PLAA: variants seen among roughly 807,000 people sequenced by gnomAD.
PLAA encodes the protein phospholipase A-2-activating protein.
A neutral mutation model predicts 84.1 loss-of-function variants in PLAA; 48 were observed. That is an observed-to-expected ratio of 0.57 (90% CI 0.45 to 0.73). The LOEUF is 0.73. Among genes scored for constraint, PLAA ranks in the 30% least tolerant of loss-of-function variants. The probability of loss-of-function intolerance (pLI) is 0.00; values close to 1 mark genes in which losing one functional copy is unlikely to be tolerated. For missense variants in PLAA, 903 were observed against 954.7 expected, an observed-to-expected ratio of 0.95 and a Z score of 0.71; for synonymous variants, 392 against 336.6, an observed-to-expected ratio of 1.16 and a Z score of -1.80.
chr9:26,905,330 A>G lies in PLAA; in HGVS notation c.*181T>C, dbSNP rs1277578506. The G allele has an allele frequency of 9.0e-6, 5 of 555,226 alleles. No homozygotes were observed. The highest frequency in any genetic ancestry group is 1.6e-5 in the Non-Finnish European group (5 of 316,786). The allele number at this position is 555,226 out of a possible 1,614,324, so 34.4% of individuals were successfully genotyped here. ...GAAAATCTACCCAAATTACACAGGA[A>G]AATCTCACAGTTCAGCAGTGCAAAA... On this transcript the variant is annotated 3_prime_UTR_variant, in exon 14 of 14. Coordinates refer to ENST00000397292, the MANE Select transcript of PLAA (RefSeq NM_001031689.3).
intron 11 of PLAA, among the ~76,000 whole-genome samples, chr9:26,912,987 C>T (rs1363472297): frequency 3.3e-5 from 5 of 152,152 alleles, no homozygotes; most frequent in Admixed American, 3.3e-4. Flanking sequence ...ACTCAGGAGG[C>T]TGAGGTGGGA....
intron 2 of PLAA, among the ~76,000 whole-genome samples, chr9:26,931,810 G>A (rs1825194347): frequency 6.6e-6 from 1 of 152,164 alleles, no homozygotes; most frequent in Non-Finnish European, 1.5e-5. Context: ...GGAAGGCCGA[G>A]GCAGGCAGAT....
At chr9:26,925,098 C>T (rs750056881) in intron 6 of PLAA, among the ~76,000 whole-genome samples, 74 of 152,184 alleles carry the variant, frequency 4.9e-4, no homozygotes, top group Non-Finnish European at 2.2e-4. Context: ...TGGATTATCT[C>T]ATTTACTTAT....
chr9:26,936,404 C>T (rs571217512), intron 1 of PLAA, among the ~76,000 whole-genome samples: 10 of 152,278 alleles, frequency 6.6e-5, no homozygotes, highest in South Asian at 2.1e-4. Flanking sequence ...TCTGGGAAGT[C>T]GGCAGAGTCG....
intron 1 of PLAA, among the ~76,000 whole-genome samples, chr9:26,937,919 G>C (rs1323358248): frequency 1.3e-5 from 2 of 151,756 alleles, no homozygotes; most frequent in East Asian, 3.9e-4. Context: ...AACAACATGA[G>C]GTAGGCCAGC....
At chr9:26,946,829 G>A (rs1028230768) in intron 1 of PLAA, 68 bp downstream of exon 1, 3 of 1,480,862 alleles carry the variant, frequency 2.0e-6, no homozygotes, top group East Asian at 5.0e-5. Context: ...GACAGGGAAG[G>A]GTCACTCTCC....
intron 11 of PLAA, among the ~76,000 whole-genome samples, chr9:26,911,493 T>C (rs1464329643): frequency 6.6e-6 from 1 of 152,128 alleles, no homozygotes; most frequent in Admixed American, 6.5e-5. Context: ...TTCACCATGT[T>C]GGTTGGGCTG....
intron 11 of PLAA, among the ~76,000 whole-genome samples, chr9:26,912,319 A>G (rs1824424787): frequency 6.6e-6 from 1 of 152,236 alleles, no homozygotes; most frequent in Non-Finnish European, 1.5e-5. Flanking sequence ...TACATGCTCA[A>G]GAAACTGACA....
intron 13 of PLAA, among the ~76,000 whole-genome samples, chr9:26,907,436 G>A (rs935264483): frequency 4.6e-5 from 7 of 152,042 alleles, no homozygotes; most frequent in African/African-American, 1.7e-4. Context: ...GGCTGAGGCA[G>A]GAGAACGGCG....
At chr9:26,931,371 AAT>A (rs1825178892) in intron 2 of PLAA, among the ~76,000 whole-genome samples, 1 of 152,200 alleles carries the variant, frequency 6.6e-6, no homozygotes, top group South Asian at 2.1e-4. Flanking sequence ...ACCTTAATAA[AAT>A]ATTGAATCTA....
chr9:26,913,491 G>A (rs189511553), intron 11 of PLAA, among the ~76,000 whole-genome samples: 49 of 152,318 alleles, frequency 3.2e-4, no homozygotes, highest in African/African-American at 1.2e-3. Context: ...ATGAAGAGAT[G>A]AGAATAAACA....
chr9:26,903,441 A>G lies in PLAA; in HGVS notation c.*2070T>C, dbSNP rs1423890972. Reference sequence around the variant, plus strand: ...TATAAGTTTAAAAATCAGGTTATCAAAGAGTATGTATGATACAACGCTTTT... The same window carrying G: ...TATAAGTTTAAAAATCAGGTTATCAGAGAGTATGTATGATACAACGCTTTT... On this transcript the variant is annotated 3_prime_UTR_variant, in exon 14 of 14. Coordinates refer to ENST00000397292, the MANE Select transcript of PLAA (RefSeq NM_001031689.3). Among the ~76,000 whole-genome samples, 2 of 152,250 alleles carry G rather than the reference A, an allele frequency of 1.3e-5. No individual in the cohort carries two copies. Among genetic ancestry groups the G allele is most frequent in the African/African-American group, 4.8e-5 (2 of 41,470 alleles).
chr9:26,906,910 A>C (rs1337041171), intron 13 of PLAA, among the ~76,000 whole-genome samples: 1 of 152,040 alleles, frequency 6.6e-6, no homozygotes, highest in Non-Finnish European at 1.5e-5. Context: ...AGTATGCATC[A>C]TCATTTATAA....
chr9:26,946,429 A>G (rs529571640), intron 1 of PLAA, among the ~76,000 whole-genome samples: 122 of 152,210 alleles, frequency 8.0e-4, no homozygotes, highest in African/African-American at 2.7e-3. Context: ...AACCTGGACG[A>G]AAAGAGGATT....
chr9:26,939,970 G>C (rs963296845), intron 1 of PLAA, among the ~76,000 whole-genome samples: 2 of 152,038 alleles, frequency 1.3e-5, no homozygotes, highest in Non-Finnish European at 2.9e-5. Context: ...CTCAATAATG[G>C]ATAGAATAAT....
intron 7 of PLAA, among the ~76,000 whole-genome samples, chr9:26,921,557 G>C (rs138397024): frequency 4.1e-4 from 63 of 152,302 alleles, no homozygotes; most frequent in Non-Finnish European, 8.4e-4. Flanking sequence ...GTAGGTAGTT[G>C]AAAAAGAGAA....
chr9:26,945,735 A>G (rs1825675088), intron 1 of PLAA, among the ~76,000 whole-genome samples: 1 of 152,010 alleles, frequency 6.6e-6, no homozygotes. Context: ...ACCTGCCCTC[A>G]CCTCACAGCT....
chr9:26,945,141 C>A (rs1482067197), intron 1 of PLAA, among the ~76,000 whole-genome samples: 1 of 151,954 alleles, frequency 6.6e-6, no homozygotes, highest in Non-Finnish European at 1.5e-5. Context: ...AAAAAAAAAT[C>A]AATAGTTCAA....
At chr9:26,940,372 T>C (rs1480330340) in intron 1 of PLAA, among the ~76,000 whole-genome samples, 2 of 152,204 alleles carry the variant, frequency 1.3e-5, no homozygotes, top group Non-Finnish European at 1.5e-5. Flanking sequence ...TTGAGGACAT[T>C]GTGCTAAACG....
Sources: allele counts gnomAD v4.1 joint callset (sites outside exome capture counted in the v4.1 genomes callset), GRCh38; gene constraint gnomAD v4.1.1; transcripts MANE v1.5; gene names NCBI Gene and HGNC (gene_info 2026-07-23, HGNC 2026-07-21).